Variants in DMD observed in about 807,000 individuals in gnomAD.
DMD encodes the protein mutant dystrophin.
Under a neutral mutation model 330.1 loss-of-function variants are expected in DMD, and 63 were observed. The observed-to-expected ratio is 0.19, with a 90% CI of 0.16 to 0.24. DMD has a LOEUF of 0.24. Ranked by LOEUF, DMD falls within the 10% of genes least tolerant of loss-of-function variation. DMD has a pLI of 1.00. For synonymous variants in DMD, 1,223 were observed against 959.8 expected, an observed-to-expected ratio of 1.27 and a Z score of -5.07; for missense variants, 3,344 against 2,684.1, an observed-to-expected ratio of 1.25 and a Z score of -5.43.
At chrX:32,371,861 C>A (rs957794177) in intron 34 of DMD, among the ~76,000 whole-genome samples, 1 of 111,518 alleles carries the variant, frequency 9.0e-6, no homozygotes, top group Non-Finnish European at 1.9e-5. Flanking sequence ...GTGATAGATA[C>A]ACACGGGTTT....
chrX:32,114,713 C>T (rs1282148790), intron 44 of DMD, among the ~76,000 whole-genome samples: 2 of 112,170 alleles, frequency 1.8e-5, no homozygotes, highest in African/African-American at 6.5e-5. Context: ...TCTTGGGATA[C>T]TATAATGATT....
intron 1 of DMD, among the ~76,000 whole-genome samples, chrX:33,235,890 C>G (rs2052467580): frequency 9.4e-6 from 1 of 106,380 alleles, no homozygotes; most frequent in Non-Finnish European, 1.9e-5. Flanking sequence ...CCAAGCTGGC[C>G]AACTTATATT....
chrX:32,515,806 A>G (rs1010238475), intron 18 of DMD, among the ~76,000 whole-genome samples: 3 of 111,807 alleles, frequency 2.7e-5, no homozygotes, highest in African/African-American at 9.8e-5. Flanking sequence ...ATTTCTGACA[A>G]GCTCCCAGAT....
At chrX:33,016,780 T>C (rs1449433686) in intron 2 of DMD, among the ~76,000 whole-genome samples, 1 of 111,844 alleles carries the variant, frequency 8.9e-6, no homozygotes, top group Non-Finnish European at 1.9e-5. Context: ...CATAAAATTT[T>C]TTCTCAAACA....
intron 13 of DMD, among the ~76,000 whole-genome samples, chrX:32,585,479 ATCACGAGG>A (rs1487712152): frequency 9.1e-6 from 1 of 109,902 alleles, no homozygotes; most frequent in Non-Finnish European, 1.9e-5. Flanking sequence ...AGGCTGGCGG[ATCACGAGG>A]TCAGGAGATC....
intron 46 of DMD, 26 bp downstream of exon 46, chrX:31,932,054 T>G (rs960684097): frequency 3.3e-6 from 4 of 1,206,854 alleles, no homozygotes; most frequent in Non-Finnish European, 4.5e-6. Flanking sequence ...AAGCAGGCCC[T>G]GGGGGATTTG....
chrX:31,357,427 G>A (rs1397930869), intron 60 of DMD, among the ~76,000 whole-genome samples: 1 of 109,059 alleles, frequency 9.2e-6, no homozygotes, highest in East Asian at 2.8e-4. Flanking sequence ...ATTAACGAAT[G>A]ACTGAAACAG....
chrX:32,902,868 G>C (rs907104381), intron 2 of DMD, among the ~76,000 whole-genome samples: 8 of 110,132 alleles, frequency 7.3e-5, no homozygotes, highest in African/African-American at 2.7e-4. Flanking sequence ...AAACTATAAA[G>C]AAATTTGGCC....
intron 47 of DMD, among the ~76,000 whole-genome samples, chrX:31,899,522 G>C (rs1265165862): frequency 9.0e-6 from 1 of 111,113 alleles, no homozygotes; most frequent in Admixed American, 9.6e-5. Context: ...AAATAATAAC[G>C]TAGAAACAAA....
chrX:31,319,595 T>A (rs2056279943), intron 62 of DMD, among the ~76,000 whole-genome samples: 1 of 112,408 alleles, frequency 8.9e-6, no homozygotes. Context: ...TCATGATGTA[T>A]CCGAATTTTT....
intron 1 of DMD, among the ~76,000 whole-genome samples, chrX:33,199,628 T>G (rs1032455726): frequency 9.0e-6 from 1 of 111,009 alleles, no homozygotes; most frequent in South Asian, 3.8e-4. Flanking sequence ...TGTATATAAG[T>G]GTTAATAAAG....
At chrX:31,810,136 A>G (rs774927187) in intron 50 of DMD, among the ~76,000 whole-genome samples, 1 of 111,842 alleles carries the variant, frequency 8.9e-6, no homozygotes, top group African/African-American at 3.2e-5. Flanking sequence ...TTTGGCATGT[A>G]AACGTAGGAA....
intron 50 of DMD, among the ~76,000 whole-genome samples, chrX:31,803,615 C>T (rs1172958238): frequency 1.1e-5 from 1 of 91,524 alleles, no homozygotes; most frequent in Non-Finnish European, 2.2e-5. Context: ...TCTTTCCCTC[C>T]CTCCCTCCCT....
At chrX:33,226,584 A>AAGTG (rs1435039359) in intron 1 of DMD, among the ~76,000 whole-genome samples, 2 of 111,491 alleles carry the variant, frequency 1.8e-5, no homozygotes, top group East Asian at 5.6e-4. Flanking sequence ...GGCAGGAAAA[A>AAGTG]AGTGGGTCTG....
chrX:31,919,224 T>A (rs2094654201), intron 47 of DMD, among the ~76,000 whole-genome samples: 1 of 112,049 alleles, frequency 8.9e-6, no homozygotes, highest in Admixed American at 9.5e-5. Context: ...CTAAAATTTG[T>A]CACAAAAGTC....
At chrX:31,973,967 G>A (rs1050306038) in intron 44 of DMD, among the ~76,000 whole-genome samples, 1 of 111,586 alleles carries the variant, frequency 9.0e-6, no homozygotes, top group Non-Finnish European at 1.9e-5. Flanking sequence ...AAATAAAAAG[G>A]TCCTGTCTTG....
At chrX:31,325,949 GT>G (rs79784755) in intron 61 of DMD, among the ~76,000 whole-genome samples, 16,274 of 97,911 alleles carry the variant, frequency 0.17, 1,252 homozygotes, top group Admixed American at 0.23. Context: ...TACCTTTCTA[GT>G]TTTTTTTTTT....
chrX:31,203,312 G>GAAAAAAAAAAAAAAAAGGAAAGAGA (rs11458646), intron 67 of DMD, among the ~76,000 whole-genome samples: 1 of 91,416 alleles, frequency 1.1e-5, no homozygotes, highest in Non-Finnish European at 2.1e-5. Flanking sequence ...AAAGGAAAGA[G>GAAAAAAAAAAAAAAAAGGAAAGAGA]AAAAAAAAAT....
chrX:31,755,685 C>T (rs1465606730), intron 51 of DMD, among the ~76,000 whole-genome samples: 1 of 111,983 alleles, frequency 8.9e-6, no homozygotes. Context: ...TTACATTCAA[C>T]AATACATTTG....
Sources: allele counts gnomAD v4.1 joint callset (sites outside exome capture counted in the v4.1 genomes callset), GRCh38; gene constraint gnomAD v4.1.1; transcripts MANE v1.5; gene names NCBI Gene and HGNC (gene_info 2026-07-23, HGNC 2026-07-21).